FMN1: variants seen among roughly 807,000 people sequenced by gnomAD.
FMN1 encodes the protein formin 1.
A neutral mutation model predicts 132.4 loss-of-function variants in FMN1; 110 were observed. That is an observed-to-expected ratio of 0.83 (90% CI 0.71 to 0.97). The LOEUF is 0.97. Ranked by LOEUF, FMN1 falls within the 50% of genes least tolerant of loss-of-function variation. The pLI is 0.00. For missense variants in FMN1, 1,792 were observed against 1,705.3 expected, an observed-to-expected ratio of 1.05 and a Z score of -0.90; for synonymous variants, 722 against 651.7, an observed-to-expected ratio of 1.11 and a Z score of -1.64.
intron 18 of FMN1, among the ~76,000 whole-genome samples, chr15:32,803,275 G>A (rs751000777): frequency 1.1e-4 from 16 of 151,982 alleles, no homozygotes; most frequent in Non-Finnish European, 1.8e-4. Context: ...TTTAGAATTC[G>A]TACCAGCAAA....
chr15:32,810,706 G>C (rs1157201219), intron 17 of FMN1, among the ~76,000 whole-genome samples: 1 of 152,178 alleles, frequency 6.6e-6, no homozygotes, highest in Non-Finnish European at 1.5e-5. Context: ...TAAAGAAAGT[G>C]GGGCTTTTAT....
chr15:32,859,965 G>A (rs1274821488), intron 16 of FMN1, among the ~76,000 whole-genome samples: 1 of 152,072 alleles, frequency 6.6e-6, no homozygotes, highest in Non-Finnish European at 1.5e-5. Flanking sequence ...TTCTGCCCAG[G>A]AGTTCGAGGC....
chr15:32,848,999 T>C (rs111398684), intron 17 of FMN1, among the ~76,000 whole-genome samples: 153 of 145,042 alleles, frequency 1.1e-3, no homozygotes, highest in African/African-American at 3.9e-3. Context: ...TTTTTTTTTT[T>C]CAGAGACAGA....
intron 9 of FMN1, among the ~76,000 whole-genome samples, chr15:32,927,338 T>C (rs1479369614): frequency 6.6e-6 from 1 of 152,118 alleles, no homozygotes; most frequent in Non-Finnish European, 1.5e-5. Flanking sequence ...CTCACTGTAA[T>C]TTTGAACTCC....
In FMN1 at chr15:33,067,500, CT is replaced by C. The variant is rs764742569; in HGVS notation, c.2044-2427del. ...ACACAAATGACATCGTCTTTTGTCC[CT>C]TTCAAAGTAGACAGTGGAAGCAGCT... On this transcript the variant is annotated intron_variant, in intron 5 of 20. Transcript: ENST00000616417. The C allele has an allele frequency of 4.3e-6, 7 of 1,614,018 alleles. No homozygotes were observed. In the Admixed American group the frequency reaches 1.2e-4, roughly 27 times the overall value.
intron 17 of FMN1, among the ~76,000 whole-genome samples, chr15:32,832,034 A>G (rs2058515251): frequency 1.3e-5 from 2 of 152,222 alleles, no homozygotes; most frequent in African/African-American, 4.8e-5. Flanking sequence ...GCACCAGACC[A>G]ACAATATAGA....
intron 4 of FMN1, among the ~76,000 whole-genome samples, chr15:33,102,425 TTAAG>T (rs2039329898): frequency 6.6e-6 from 1 of 152,072 alleles, no homozygotes; most frequent in African/African-American, 2.4e-5. Flanking sequence ...AAAACTAAAT[TTAAG>T]TAAATGGAAG....
rs140612719 is a variant in FMN1, at chr15:33,189,949, C to T, written c.-197+3960G>A. Reference sequence around the variant, plus strand: ...CGGTGAGAAATCAGCTTTATTAGGACGCACAGGGCTGAGACCATAGGGATG... The same window carrying T: ...CGGTGAGAAATCAGCTTTATTAGGATGCACAGGGCTGAGACCATAGGGATG... On this transcript the variant is annotated intron_variant, in intron 2 of 20. Transcript: ENST00000616417. Among the ~76,000 whole-genome samples, 583 of 152,224 alleles carry T rather than the reference C, an allele frequency of 3.8e-3. 6 individuals carry two copies. The highest frequency in any genetic ancestry group is 0.014 in the African/African-American group (566 of 41,524).
Position 32,899,797 on chromosome 15 carries a change from C to A in FMN1, c.3654+182G>T, listed in dbSNP as rs542288367. On this transcript the variant is annotated intron_variant, in intron 14 of 20. Transcript: ENST00000616417. ...TAAAGTCTAACGTGAAAAAAAAAAACCAAACAAAACTCTTTATTCGAAAGT... is the reference window on the plus strand; with the variant it reads ...TAAAGTCTAACGTGAAAAAAAAAAAACAAACAAAACTCTTTATTCGAAAGT... 931 of 545,470 alleles carry A rather than the reference C, an allele frequency of 1.7e-3. 6 individuals carry two copies. Among genetic ancestry groups the A allele is most frequent in the African/African-American group, 0.012 (455 of 38,730 alleles). 33.8% of individuals were successfully genotyped at this position (545,470 alleles called of 1,614,324 possible). A position where few individuals can be genotyped will look rare whatever the true frequency, so the allele number is the denominator to read the frequency against.
chr15:32,779,522 C>T (rs544003406), intron 19 of FMN1, among the ~76,000 whole-genome samples: 66 of 152,204 alleles, frequency 4.3e-4, no homozygotes, highest in African/African-American at 1.6e-3. Context: ...AAAGCATGTA[C>T]ACTCTACGAG....
chr15:33,114,549 CTTGT>C (rs2039838081), intron 4 of FMN1, among the ~76,000 whole-genome samples: 1 of 152,206 alleles, frequency 6.6e-6, no homozygotes, highest in African/African-American at 2.4e-5. Context: ...CATCCAGTCG[CTTGT>C]TTGTGTACCC....
chr15:32,842,982 C>G (rs1244483249), intron 17 of FMN1, among the ~76,000 whole-genome samples: 1 of 151,944 alleles, frequency 6.6e-6, no homozygotes, highest in Non-Finnish European at 1.5e-5. Flanking sequence ...AAGAAATTAG[C>G]CGGGCATGGT....
At chr15:33,151,006 G>GA in intron 4 of FMN1, 1 of 1,133,222 alleles carries the variant, frequency 8.8e-7, no homozygotes, top group Non-Finnish European at 1.1e-6. Context: ...CTGGAAGCAG[G>GA]AAACTTCTCC....
intron 5 of FMN1, among the ~76,000 whole-genome samples, chr15:33,087,846 CACATATAT>C (rs2038759850): frequency 6.6e-6 from 1 of 151,940 alleles, no homozygotes; most frequent in Non-Finnish European, 1.5e-5. Flanking sequence ...TACATACACA[CACATATAT>C]ACATATACCA....
intron 4 of FMN1, among the ~76,000 whole-genome samples, chr15:33,100,420 A>G (rs1566914862): frequency 6.6e-6 from 1 of 152,146 alleles, no homozygotes; most frequent in African/African-American, 2.4e-5. Context: ...ATATTTGGCA[A>G]TATCTGAAAC....
chr15:32,871,041 T>C (rs1422089092), intron 16 of FMN1, among the ~76,000 whole-genome samples: 1 of 152,112 alleles, frequency 6.6e-6, no homozygotes, highest in East Asian at 1.9e-4. Context: ...CTGCAAGCTC[T>C]GGCATCGAGG....
chr15:32,819,480 G>A (rs541220630), intron 17 of FMN1, among the ~76,000 whole-genome samples: 31 of 152,252 alleles, frequency 2.0e-4, no homozygotes, highest in African/African-American at 7.0e-4. Context: ...GGTGGTTGGC[G>A]CCATGACATG....
intron 4 of FMN1, among the ~76,000 whole-genome samples, chr15:33,096,986 A>T (rs2039108749): frequency 6.6e-6 from 1 of 152,072 alleles, no homozygotes; most frequent in Non-Finnish European, 1.5e-5. Context: ...TTCAGTCCAG[A>T]AATCACCTCA....
intron 7 of FMN1, among the ~76,000 whole-genome samples, chr15:32,976,236 T>C (rs552248549): frequency 5.3e-5 from 8 of 152,126 alleles, no homozygotes; most frequent in Non-Finnish European, 8.8e-5. Context: ...GGGGGCTGCA[T>C]GGAGGCTCAA....
Sources: gnomAD v4.1 joint callset for allele counts (sites outside exome capture counted in the v4.1 genomes callset) on GRCh38, gnomAD v4.1.1 for gene constraint, MANE v1.5 for transcripts, NCBI Gene and HGNC (gene_info 2026-07-23, HGNC 2026-07-21) for gene names.